The following FOXN3 variants were observed in gnomAD, a reference collection of about 807,000 sequenced individuals.
FOXN3 encodes the protein forkhead box N3.
In FOXN3, 7 loss-of-function variants were observed where a neutral mutation model predicts 38.4. The ratio of observed to expected loss-of-function variants is 0.18; its 90% CI spans 0.10 to 0.34. The LOEUF (loss-of-function observed/expected upper bound fraction) is 0.34, where lower values mean the gene tolerates loss of function less well. FOXN3 is among the 10% of genes least tolerant of loss of function. The pLI is 1.00. For missense variants in FOXN3, 456 were observed against 613.4 expected, an observed-to-expected ratio of 0.74 and a Z score of 2.71; for synonymous variants, 230 against 242.2, an observed-to-expected ratio of 0.95 and a Z score of 0.47.
chr14:89,276,061 G>A (rs1279823289), intron 4 of FOXN3, among the ~76,000 whole-genome samples: 2 of 152,176 alleles, frequency 1.3e-5, no homozygotes, highest in African/African-American at 4.8e-5. Flanking sequence ...TGGATCACAT[G>A]AGATCAAAAG....
At chr14:89,477,328 G>A (rs1893231831) in intron 1 of FOXN3, among the ~76,000 whole-genome samples, 1 of 152,138 alleles carries the variant, frequency 6.6e-6, no homozygotes, top group Non-Finnish European at 1.5e-5. Flanking sequence ...ACTTGAGAAT[G>A]TTTTACACTT....
At chr14:89,387,847 C>T (rs369479129) in intron 2 of FOXN3, among the ~76,000 whole-genome samples, 40 of 152,282 alleles carry the variant, frequency 2.6e-4, no homozygotes, top group African/African-American at 8.4e-4. Flanking sequence ...CACCCACCTG[C>T]GTCTAGCAGC....
At chr14:89,275,417 A>G (rs1462576421) in intron 4 of FOXN3, among the ~76,000 whole-genome samples, 2 of 152,228 alleles carry the variant, frequency 1.3e-5, no homozygotes, top group African/African-American at 2.4e-5. Context: ...AATCTTTGCC[A>G]TCGCTGAGGT....
chr14:89,244,742 G>A (rs1393836395), intron 4 of FOXN3, among the ~76,000 whole-genome samples: 3 of 152,142 alleles, frequency 2.0e-5, no homozygotes, highest in South Asian at 2.1e-4. Flanking sequence ...GTGAAAATCC[G>A]GTTACCCTTC....
chr14:89,171,051 G>T (rs1411053473), intron 5 of FOXN3, among the ~76,000 whole-genome samples: 1 of 143,668 alleles, frequency 7.0e-6, no homozygotes, highest in Non-Finnish European at 1.6e-5. Context: ...AATTTAAAAA[G>T]TTGATTCTTT....
intron 1 of FOXN3, among the ~76,000 whole-genome samples, chr14:89,524,371 C>CAAAAAAAAAAAAA (rs1301922423): frequency 4.6e-4 from 3 of 6,574 alleles, no homozygotes; most frequent in Non-Finnish European, 1.1e-3. Flanking sequence ...GACTCCATCT[C>CAAAAAAAAAAAAA]AAAAAAAAAA....
chr14:89,592,131 A>G (rs137901462), intron 1 of FOXN3, among the ~76,000 whole-genome samples: 156 of 152,314 alleles, frequency 1.0e-3, no homozygotes, highest in African/African-American at 3.7e-3. Context: ...TCCATAGATG[A>G]TTTGAAATTA....
chr14:89,230,619 A>G (rs774746276), intron 4 of FOXN3: 7 of 226,288 alleles, frequency 3.1e-5, no homozygotes, highest in South Asian at 2.4e-4. Flanking sequence ...TTTATTTATC[A>G]TATTTATTGT....
At chr14:89,194,896 T>C (rs61280892) in intron 4 of FOXN3, among the ~76,000 whole-genome samples, 71,296 of 152,058 alleles carry the variant, frequency 0.47, 17,999 homozygotes, top group African/African-American at 0.67. Flanking sequence ...TACTCATGCA[T>C]GCAAATCTAT....
In FOXN3 at chr14:89,375,343, T is replaced by A. The variant is rs1022157902; in HGVS notation, c.544-24535A>T. On this transcript the variant is annotated intron_variant, in intron 2 of 5. Transcript: ENST00000557258. The stretch of plus-strand genomic sequence containing the variant: ...AGCAAACCACAAATTTAAATTTTTT[T>A]AAGAAGTACACAAAATAACCTAACT... 1.2e-4 allele frequency among the ~76,000 whole-genome samples: 19 copies of A among 152,188 alleles called. No homozygotes were observed. In the East Asian group the frequency reaches 1.5e-3, roughly 12 times the overall value.
chr14:89,551,616 G>C (rs1895007669), intron 1 of FOXN3, among the ~76,000 whole-genome samples: 2 of 152,246 alleles, frequency 1.3e-5, no homozygotes, highest in African/African-American at 4.8e-5. Context: ...CAGTCCTCTA[G>C]GGCTTCTGGA....
intron 2 of FOXN3, among the ~76,000 whole-genome samples, chr14:89,368,752 C>CTTAT (rs1890228271): frequency 6.6e-6 from 1 of 152,158 alleles, no homozygotes; most frequent in African/African-American, 2.4e-5. Flanking sequence ...GCTGGGATAG[C>CTTAT]ATACCTGTTT....
chr14:89,242,936 G>T (rs2139868578), intron 4 of FOXN3, among the ~76,000 whole-genome samples: 1 of 152,298 alleles, frequency 6.6e-6, no homozygotes, highest in East Asian at 1.9e-4. Context: ...ATTAATCGGG[G>T]TGCTTATTTT....
In FOXN3 at chr14:89,435,380, A is replaced by G. The variant is rs564955410; in HGVS notation, c.-14-22890T>C. Among the ~76,000 whole-genome samples the G allele has an allele frequency of 1.6e-3, 237 of 152,006 alleles. 1 individual carries two copies. Among genetic ancestry groups the G allele is most frequent in the African/African-American group, 5.6e-3 (231 of 41,468 alleles). On this transcript the variant is annotated intron_variant, in intron 1 of 6. Coordinates refer to the FOXN3 transcript ENST00000345097. ...CAGCAAGACCCTGTCTCTTAAAAAA[A>G]AAAAAAAAAAATGGCAGCCCAATAC...
intron 1 of FOXN3, among the ~76,000 whole-genome samples, chr14:89,547,146 T>C (rs756811193): frequency 3.3e-5 from 5 of 152,200 alleles, no homozygotes; most frequent in Admixed American, 2.6e-4. Flanking sequence ...TGTAATCAGA[T>C]TGCTGATGGG....
At chr14:89,432,892 G>A (rs1031451142) in intron 1 of FOXN3, among the ~76,000 whole-genome samples, 1 of 152,024 alleles carries the variant, frequency 6.6e-6, no homozygotes, top group African/African-American at 2.4e-5. Flanking sequence ...TATTGCCCAG[G>A]TCGGTCTCAA....
At chr14:89,251,500 C>T (rs1885455160) in intron 4 of FOXN3, among the ~76,000 whole-genome samples, 1 of 152,160 alleles carries the variant, frequency 6.6e-6, no homozygotes, top group African/African-American at 2.4e-5. Flanking sequence ...ATATGTTAAC[C>T]AATCAAGAGC....
chr14:89,376,196 T>A (rs1210462636), intron 2 of FOXN3, among the ~76,000 whole-genome samples: 1 of 152,194 alleles, frequency 6.6e-6, no homozygotes, highest in Non-Finnish European at 1.5e-5. Context: ...AGAACTTTTT[T>A]TTGTGCAAGA....
chr14:89,376,183 T>C (rs1054286142), intron 2 of FOXN3, among the ~76,000 whole-genome samples: 2 of 152,056 alleles, frequency 1.3e-5, no homozygotes, highest in Admixed American at 6.5e-5. Flanking sequence ...GTAAGATGAG[T>C]CCAGAACTTT....
Sources: gnomAD v4.1 joint callset for allele counts (sites outside exome capture counted in the v4.1 genomes callset) on GRCh38, gnomAD v4.1.1 for gene constraint, MANE v1.5 for transcripts, NCBI Gene and HGNC (gene_info 2026-07-23, HGNC 2026-07-21) for gene names.